Variants in AKAP6 observed in about 807,000 individuals in gnomAD.
AKAP6 encodes the protein A-kinase anchoring protein 6.
In AKAP6, 58 loss-of-function variants were observed where a neutral mutation model predicts 188.5. The observed-to-expected ratio is 0.31, with a 90% CI of 0.25 to 0.38. The LOEUF is 0.38. AKAP6 is among the 10% of genes least tolerant of loss of function. The pLI is 1.00. For missense variants in AKAP6, 2,710 were observed against 2,740.0 expected, an observed-to-expected ratio of 0.99 and a Z score of 0.24; for synonymous variants, 989 against 998.6, an observed-to-expected ratio of 0.99 and a Z score of 0.18.
At chr14:32,339,030 G>A (rs72666126) in intron 1 of AKAP6, among the ~76,000 whole-genome samples, 1 of 152,002 alleles carries the variant, frequency 6.6e-6, no homozygotes, top group African/African-American at 2.4e-5. Flanking sequence ...TTAATTTCCT[G>A]TCTCTGCTTA....
chr14:32,536,429 C>T (rs1882682530), intron 3 of AKAP6, among the ~76,000 whole-genome samples: 2 of 152,256 alleles, frequency 1.3e-5, no homozygotes, highest in South Asian at 4.1e-4. Flanking sequence ...CTGCCAGTAG[C>T]ACTGGAGCAA....
rs773070431 is a variant in AKAP6 at position 32,824,145 on chromosome 14, C to T, written c.6332C>T (p.Ser2111Leu). Residue 2111 changes from serine (S) to leucine (L), a missense_variant, in exon 13 of 14, where the codon TCG (serine) becomes TTG (leucine). Ser to Leu is a moderately radical substitution (Grantham distance 145). Around this residue, in one of 2 missense-constraint regions of AKAP6, gnomAD observed 2,473 missense variants for 2,426.1 expected, o/e 1.02. Coordinates refer to ENST00000280979, the MANE Select transcript of AKAP6 (RefSeq NM_004274.5). Reference protein sequence around the residue: ...PIQLRKGDFYSYLSLSSHDSD... With the variant: ...PIQLRKGDFYLYLSLSSHDSD... ...CAGCTGAGAAAAGGGGACTTTTATT[C>T]GTACTTATCTCTCTCATCTCATGAC... The T allele has an allele frequency of 3.8e-5, 61 of 1,613,852 alleles. No individual in the cohort carries two copies. Among genetic ancestry groups the T allele is most frequent in the Admixed American group, 3.0e-4 (18 of 59,930 alleles).
At chr14:32,649,107 A>G (rs767120716) in intron 7 of AKAP6, among the ~76,000 whole-genome samples, 10 of 152,284 alleles carry the variant, frequency 6.6e-5, no homozygotes, top group Non-Finnish European at 4.4e-5. Context: ...TAGAGATTCA[A>G]TCTAATTTAA....
rs376439637 is a variant in AKAP6, at chr14:32,438,300, C to T, written c.324+4483C>T. ...CTTCTGTAAATGGTTGTGCCTGGCC[C>T]CTCTCACATCCCCCTTTTTGTTGTA... On this transcript the variant is annotated intron_variant, in intron 2 of 13. Transcript: ENST00000280979. Among the ~76,000 whole-genome samples, 124 of 152,254 alleles carry T rather than the reference C, an allele frequency of 8.1e-4. 3 individuals carry two copies. The South Asian group carries it at 0.025, about 31-fold the overall frequency.
At chr14:32,521,029 G>C (rs1881801527) in intron 2 of AKAP6, among the ~76,000 whole-genome samples, 1 of 152,128 alleles carries the variant, frequency 6.6e-6, no homozygotes, top group Admixed American at 6.5e-5. Flanking sequence ...TGCAAGGCTG[G>C]TTCACCATAT....
chr14:32,830,028 G>A lies in AKAP6; in HGVS notation c.*223G>A. On this transcript the variant is annotated 3_prime_UTR_variant, in exon 14 of 14. Transcript: ENST00000280979. ...ATGTGTGCGCTGGTTCTCTTTAGGT[G>A]ATCGTCTTTGAAGTTCAGCAAAGCT... 2.9e-6 allele frequency: 2 copies of A among 695,620 alleles called. No homozygotes were observed. The highest frequency in any genetic ancestry group is 5.3e-6 in the Non-Finnish European group (2 of 380,920). The allele number at this position is 695,620 out of a possible 1,614,324, so 43.1% of individuals were successfully genotyped here.
chr14:32,705,080 G>A (rs1314120967), intron 9 of AKAP6, among the ~76,000 whole-genome samples: 1 of 152,098 alleles, frequency 6.6e-6, no homozygotes, highest in East Asian at 1.9e-4. Flanking sequence ...CTTTATGTCC[G>A]TATCTCATAA....
chr14:32,388,109 C>G (rs536028570), intron 1 of AKAP6, among the ~76,000 whole-genome samples: 2 of 152,122 alleles, frequency 1.3e-5, no homozygotes, highest in African/African-American at 4.8e-5. Flanking sequence ...TCCATCTCTT[C>G]TAGGTTTTCT....
intron 2 of AKAP6, among the ~76,000 whole-genome samples, chr14:32,441,326 T>A (rs1025353344): frequency 6.6e-6 from 1 of 152,214 alleles, no homozygotes; most frequent in Non-Finnish European, 1.5e-5. Context: ...TAAGACTATT[T>A]GGTATCATCA....
At chr14:32,675,634 A>T (rs553109263) in intron 7 of AKAP6, among the ~76,000 whole-genome samples, 1 of 152,344 alleles carries the variant, frequency 6.6e-6, no homozygotes, top group South Asian at 2.1e-4. Flanking sequence ...TTTGGGAATG[A>T]ATCACTGAAA....
intron 1 of AKAP6, among the ~76,000 whole-genome samples, chr14:32,349,061 G>T (rs1440879779): frequency 6.6e-6 from 1 of 152,180 alleles, no homozygotes; most frequent in Non-Finnish European, 1.5e-5. Flanking sequence ...TCATAAAAGA[G>T]ATTCTCTAGT....
At chr14:32,364,232 G>A (rs1391464289) in intron 1 of AKAP6, among the ~76,000 whole-genome samples, 1 of 152,168 alleles carries the variant, frequency 6.6e-6, no homozygotes, top group African/African-American at 2.4e-5. Context: ...ATAAATTGAT[G>A]TCAAAAATGA....
chr14:32,700,599 A>G (rs559739514), intron 9 of AKAP6, among the ~76,000 whole-genome samples: 1 of 152,298 alleles, frequency 6.6e-6, no homozygotes, highest in South Asian at 2.1e-4. Context: ...CCTTTTCTAT[A>G]TTTATGTACA....
chr14:32,525,230 T>C (rs1299461525), intron 2 of AKAP6, among the ~76,000 whole-genome samples: 1 of 152,214 alleles, frequency 6.6e-6, no homozygotes, highest in African/African-American at 2.4e-5. Flanking sequence ...ATAACAATGG[T>C]CAGTTTTCCT....
At chr14:32,468,460 C>T (rs1482609001) in intron 2 of AKAP6, among the ~76,000 whole-genome samples, 1 of 152,048 alleles carries the variant, frequency 6.6e-6, no homozygotes, top group Non-Finnish European at 1.5e-5. Context: ...AGCAGAGAAA[C>T]ACTAGATTGG....
At chr14:32,689,059 G>A (rs766898070) in intron 8 of AKAP6, among the ~76,000 whole-genome samples, 7 of 152,060 alleles carry the variant, frequency 4.6e-5, no homozygotes, top group Admixed American at 6.6e-5. Flanking sequence ...AACATAGGAC[G>A]GTTTATCTTT....
intron 9 of AKAP6, among the ~76,000 whole-genome samples, chr14:32,705,967 C>T (rs1890797066): frequency 6.6e-6 from 1 of 152,072 alleles, no homozygotes; most frequent in Non-Finnish European, 1.5e-5. Flanking sequence ...AATTTTTTGG[C>T]CAGAACTAAT....
intron 2 of AKAP6, among the ~76,000 whole-genome samples, chr14:32,460,683 C>G (rs910625288): frequency 6.6e-6 from 1 of 152,232 alleles, no homozygotes; most frequent in Admixed American, 6.5e-5. Flanking sequence ...GAGTTTTTTT[C>G]ATACCCCATG....
intron 9 of AKAP6, among the ~76,000 whole-genome samples, chr14:32,698,506 T>C (rs1304729858): frequency 1.3e-5 from 2 of 152,154 alleles, no homozygotes; most frequent in African/African-American, 2.4e-5. Flanking sequence ...ACCTTTTTTA[T>C]TAAGGGCACC....
Sources: gnomAD v4.1 joint callset for allele counts (sites outside exome capture counted in the v4.1 genomes callset) on GRCh38, gnomAD v4.1.1 for gene constraint, gnomAD v4.1.1 regional missense constraint, MANE v1.5 for transcripts, NCBI Gene and HGNC (gene_info 2026-07-23, HGNC 2026-07-21) for gene names.